The following RUBCNL variants were observed in gnomAD, a reference collection of about 807,000 sequenced individuals.
RUBCNL encodes protein associated with UVRAG as autophagy enhancer.
In RUBCNL, 62 loss-of-function variants were observed where a neutral mutation model predicts 69.5. The ratio of observed to expected loss-of-function variants is 0.89; its 90% confidence interval spans 0.73 to 1.10. The LOEUF (loss-of-function observed/expected upper bound fraction) is 1.10, where lower values mean the gene tolerates loss of function less well. Ranked by LOEUF, RUBCNL falls within the 50% of genes least tolerant of loss-of-function variation. RUBCNL has a pLI of 0.00. For synonymous variants in RUBCNL, 291 were observed against 303.6 expected (o/e 0.96, Z 0.43); for missense variants, 768 against 798.1 (o/e 0.96, Z 0.45).
chr13:46,385,600 G>C (rs1313125259), intron 1 of RUBCNL, among the ~76,000 whole-genome samples: 1 of 150,810 alleles, frequency 6.6e-6, no homozygotes, highest in African/African-American at 2.4e-5. Flanking sequence ...AGATGGGTGG[G>C]GAAAAAATGT....
rs780967299 is a variant in RUBCNL at position 46,361,537 on chromosome 13, T to C, written c.1023A>G (p.Leu341=). ...ACACGCGGTACAGCTCTTTGGCTAA[T>C]AGTTCTGCAGAATTGAAGTCTGGCT... ...TYEPDFNSAE[L]LAKELYRVFQ... is the part of the protein sequence containing the mutation. The change falls in exon 8 of 15, where the codon CTA becomes CTG. Residue 341 remains leucine, a synonymous_variant. Coordinates refer to ENST00000429979, the MANE Select transcript of RUBCNL (RefSeq NM_025113.5). 26 of 1,609,776 alleles carry C rather than the reference T, an allele frequency of 1.6e-5. No individual in the cohort carries two copies. Among genetic ancestry groups the C allele is most frequent in the South Asian group, 7.8e-5 (7 of 90,302 alleles).
chr13:46,387,527 G>C, upstream of RUBCNL: 1 of 985,622 alleles, frequency 1.0e-6, no homozygotes, highest in Non-Finnish European at 1.2e-6. Context: ...GGCGCGAGAC[G>C]CAACGACGCT....
intron 2 of RUBCNL, among the ~76,000 whole-genome samples, chr13:46,375,402 G>A (rs962709804): frequency 3.9e-5 from 6 of 152,034 alleles, no homozygotes; most frequent in Non-Finnish European, 7.4e-5. Flanking sequence ...GCGTGGTGGC[G>A]GGCGCCTATA....
At chr13:46,358,802 C>T (rs1046333769) in intron 9 of RUBCNL, among the ~76,000 whole-genome samples, 2 of 152,064 alleles carry the variant, frequency 1.3e-5, no homozygotes, top group East Asian at 3.9e-4. Context: ...TGATCCCTGA[C>T]CCCAGCCTAG....
Position 46,335,147 on chromosome 13 carries a change from C to T in RUBCNL, c.*8238G>A, listed in dbSNP as rs1043041847. On this transcript the variant is annotated 3_prime_UTR_variant, in exon 15 of 15. Coordinates refer to ENST00000429979, the MANE Select transcript of RUBCNL (RefSeq NM_025113.5). ...TGGCGGGATCATGCCTCACTACAGC[C>T]TCAAACTCCTGGGCTCGATCGATCC... is the stretch of plus-strand genomic sequence containing the variant. 1.3e-5 allele frequency among the ~76,000 whole-genome samples: 2 copies of T among 151,862 alleles called. No homozygotes were observed. Among genetic ancestry groups the T allele is most frequent in the Non-Finnish European group, 2.9e-5 (2 of 67,998 alleles).
At chr13:46,366,570 T>C (rs1428107564) in intron 5 of RUBCNL, among the ~76,000 whole-genome samples, 3 of 152,250 alleles carry the variant, frequency 2.0e-5, no homozygotes, top group African/African-American at 7.2e-5. Flanking sequence ...TTGAGCCAGT[T>C]AGTGCATTCA....
chr13:46,365,699 C>T (rs1473367377), intron 5 of RUBCNL, among the ~76,000 whole-genome samples: 1 of 152,164 alleles, frequency 6.6e-6, no homozygotes, highest in Admixed American at 6.5e-5. Context: ...TCTAGTTCAA[C>T]TACAGCCCAC....
chr13:46,372,131 A>T lies in RUBCNL; in HGVS notation c.345T>A (p.Ala115=). The T allele has an allele frequency of 6.2e-7, 1 of 1,613,982 alleles. No individual in the cohort carries two copies. Among genetic ancestry groups the T allele is most frequent in the Non-Finnish European group, 8.5e-7 (1 of 1,179,882 alleles). The part of the protein sequence containing the change: ...SEDTTDSVGS[A]SPHGSSEKSS... ...TCTTTTCACTCGAGCCATGGGGAGA[A>T]GCGCTGCCAACGGAGTCTGTGGTAT... Residue 115 remains alanine (A), a synonymous_variant, in exon 3 of 15, where the codon GCT becomes GCA. Coordinates refer to ENST00000429979, the MANE Select transcript of RUBCNL (RefSeq NM_025113.5).
intron 14 of RUBCNL, 137 bp downstream of exon 14, chr13:46,344,604 G>C (rs2048204063): frequency 3.1e-6 from 2 of 648,604 alleles, no homozygotes; most frequent in Middle Eastern, 4.2e-4. Context: ...GCACACACCA[G>C]CATGACTGTA....
At chr13:46,374,588 G>T (rs35049550) in intron 2 of RUBCNL, 1 of 152,138 alleles carries the variant, frequency 6.6e-6, no homozygotes, top group African/African-American at 2.4e-5. Flanking sequence ...GCCGAGAAGC[G>T]ATTACTCTTG....
intron 7 of RUBCNL, among the ~76,000 whole-genome samples, chr13:46,361,907 T>G (rs965946081): frequency 2.0e-5 from 3 of 152,116 alleles, no homozygotes; most frequent in Non-Finnish European, 4.4e-5. Context: ...TCAATTTTTA[T>G]GTCTATAAAA....
upstream of RUBCNL, among the ~76,000 whole-genome samples, chr13:46,388,256 G>C (rs1350330719): frequency 6.9e-6 from 1 of 145,184 alleles, no homozygotes; most frequent in Non-Finnish European, 1.5e-5. Flanking sequence ...GAGGGAGGGA[G>C]GAAGGCAGGC....
In RUBCNL at chr13:46,375,328, T is replaced by C. The variant is rs551749340; in HGVS notation, c.-123+2562A>G. 1.6e-4 allele frequency among the ~76,000 whole-genome samples: 24 copies of C among 151,946 alleles called. No individual in the cohort carries two copies. The South Asian group carries it at 4.2e-3, about 26-fold the overall frequency. ...CGGGTGGAGAACCTGAAGTCAGGAG[T>C]TCGAGACCAGCCTGACCAACATGGC... is the stretch of plus-strand genomic sequence containing the variant. On this transcript the variant is annotated intron_variant, in intron 2 of 14. Transcript: ENST00000429979.
At chr13:46,367,661 G>A (rs1196929464) in intron 5 of RUBCNL, among the ~76,000 whole-genome samples, 1 of 152,120 alleles carries the variant, frequency 6.6e-6, no homozygotes, top group Non-Finnish European at 1.5e-5. Flanking sequence ...TTTACTTCCC[G>A]TGGTTTTAGT....
rs563367921 is a variant in RUBCNL at position 46,339,279 on chromosome 13, T to A, written c.*4106A>T. Among the ~76,000 whole-genome samples the A allele has an allele frequency of 6.6e-6, 1 of 152,308 alleles. No individual in the cohort carries two copies. The highest frequency in any genetic ancestry group is 1.9e-4 in the East Asian group (1 of 5,178). ...TTCTAGTGAAGTGAAAAAGGGGAAC[T>A]ACGGTTTTCCTTCCCATACCAGTTG... On this transcript the variant is annotated 3_prime_UTR_variant, in exon 15 of 15. Transcript: ENST00000429979.
intron 5 of RUBCNL, among the ~76,000 whole-genome samples, chr13:46,365,302 CAAAA>C (rs34280215): frequency 2.0e-4 from 12 of 59,456 alleles, no homozygotes; most frequent in African/African-American, 5.4e-4. Flanking sequence ...GACTCCATCT[CAAAA>C]AAAAAAAAAA....
intron 9 of RUBCNL, among the ~76,000 whole-genome samples, chr13:46,357,124 C>T (rs113160263): frequency 0.011 from 1,684 of 151,096 alleles, 26 homozygotes; most frequent in African/African-American, 0.037. Context: ...AGGCGGATCA[C>T]GAGGTCAGGA....
chr13:46,339,046 CA>C lies in RUBCNL; in HGVS notation c.*4338del, dbSNP rs57707207. Among the ~76,000 whole-genome samples the C allele has an allele frequency of 0.018, 2,285 of 128,800 alleles. 17 individuals carry two copies. The highest frequency in any genetic ancestry group is 0.02 in the Non-Finnish European group (1,147 of 58,550). 84.5% of individuals were successfully genotyped at this position (128,800 alleles called of 152,430 possible). ...TGGGCGACAGAGCGAGACCCTGTCT[CA>C]AAAAAAAAAAAAAAAGTGCAAGGAA... is the stretch of plus-strand genomic sequence containing the variant. On this transcript the variant is annotated 3_prime_UTR_variant, in exon 15 of 15. Coordinates refer to ENST00000429979, the MANE Select transcript of RUBCNL (RefSeq NM_025113.5).
At position 46,338,450 on chromosome 13, in the gene RUBCNL, G is replaced by A. The variant is rs541937506; in HGVS notation, c.*4935C>T. 1.5e-4 allele frequency among the ~76,000 whole-genome samples: 23 copies of A among 152,244 alleles called. 2 individuals carry two copies. Among genetic ancestry groups the A allele is most frequent in the African/African-American group, 5.3e-4 (22 of 41,548 alleles). On this transcript the variant is annotated 3_prime_UTR_variant, in exon 15 of 15. Transcript: ENST00000429979. The stretch of plus-strand genomic sequence containing the variant: ...GTTCACTTTCAGGAGGCTGGACCAG[G>A]GGAAAGACCTGAGCAGCCCTAAAAG...
Sources: allele counts gnomAD v4.1 joint callset (sites outside exome capture counted in the v4.1 genomes callset), GRCh38; gene constraint gnomAD v4.1.1; transcripts MANE v1.5; gene names NCBI Gene and HGNC (gene_info 2026-07-23, HGNC 2026-07-21).